ATP1A3: variants seen among roughly 807,000 people sequenced by gnomAD.
ATP1A3 encodes the protein sodium/potassium-transporting ATPase subunit alpha-3.
ATP1A3 carries 12 observed loss-of-function variants against 108.8 expected under a neutral mutation model. The observed-to-expected ratio is 0.11, with a 90% CI of 0.07 to 0.18. The LOEUF (loss-of-function observed/expected upper bound fraction) is 0.18. Ranked by LOEUF, ATP1A3 falls within the 10% of genes least tolerant of loss-of-function variation. The pLI is 1.00. For synonymous variants in ATP1A3, 539 were observed against 564.5 expected (o/e 0.95, Z 0.64); for missense variants, 498 against 1,387.7 (o/e 0.36, Z 10.19).
At chr19:41,980,135 A>G (rs1206837917) in intron 11 of ATP1A3, among the ~76,000 whole-genome samples, 1 of 152,128 alleles carries the variant, frequency 6.6e-6, no homozygotes, top group Non-Finnish European at 1.5e-5. Context: ...TCCCCCAGAC[A>G]CCTGCAGGGT....
At chr19:41,972,364 G>A (rs1295554968) in intron 16 of ATP1A3, among the ~76,000 whole-genome samples, 1 of 152,106 alleles carries the variant, frequency 6.6e-6, no homozygotes, top group Non-Finnish European at 1.5e-5. Context: ...CGAGGTTGCA[G>A]TGACTGATGA....
chr19:41,987,841 G>A, intron 4 of ATP1A3, 95 bp downstream of exon 4: 3 of 1,429,880 alleles, frequency 2.1e-6, no homozygotes, highest in South Asian at 2.3e-5. Flanking sequence ...GGGAGAGTGG[G>A]CTGTGAAAAG....
At chr19:41,983,578 T>A (rs1287100423) in intron 8 of ATP1A3, among the ~76,000 whole-genome samples, 5 of 145,852 alleles carry the variant, frequency 3.4e-5, no homozygotes, top group African/African-American at 1.3e-4. Flanking sequence ...TTAAAAATAA[T>A]AATAATAATT....
chr19:41,988,242 C>T lies in ATP1A3; in HGVS notation c.153+76G>A. 1 of 1,612,510 alleles carries T rather than the reference C, an allele frequency of 6.2e-7. No homozygotes were observed. Among genetic ancestry groups the T allele is most frequent in the Non-Finnish European group, 8.5e-7 (1 of 1,178,588 alleles). On this transcript the variant is annotated intron_variant, in intron 3 of 22. Transcript: ENST00000648268. The surrounding 1 kb of genome is among the most constrained non-coding windows in gnomAD (Gnocchi z 5.3). ...TAAGACACCAGCCACAGCCCCTCCT[C>T]CCTCAGACCCAGGGGTCCTAGCCCC... is the stretch of plus-strand genomic sequence containing the variant.
rs782804961 is a variant in ATP1A3 at position 41,985,292 on chromosome 19, TGCACCC to T, written c.724+8_724+13del. ...GTCTGCCCCAGCTGTGTGTCTTCTC[TGCACCC>T]GCCTCACCTTCCACACAGTTGGTGG... On this transcript the variant is annotated splice_region_variant and intron_variant, in intron 7 of 22. Coordinates refer to ENST00000648268, the MANE Select transcript of ATP1A3 (RefSeq NM_152296.5). This position sits in a 1 kb window ranked among gnomAD's most constrained non-coding sequence, Gnocchi z 8.2. 3.1e-6 allele frequency: 5 copies of T among 1,613,854 alleles called. No homozygotes were observed. In the East Asian group the frequency reaches 8.9e-5, roughly 29 times the overall value.
rs1555858636 is a variant in ATP1A3, at chr19:41,966,838, G to C, written c.*99C>G. On this transcript the variant is annotated 3_prime_UTR_variant, in exon 23 of 23. Transcript: ENST00000648268. ...GGGCCAAGGTGGGGCCACAGGAAGA[G>C]AGGGCTCCTCCCCCCAGAATACAAA... is the stretch of plus-strand genomic sequence containing the variant. 1.3e-6 allele frequency: 2 copies of C among 1,547,178 alleles called. No individual in the cohort carries two copies. The highest frequency in any genetic ancestry group is 1.7e-6 in the Non-Finnish European group (2 of 1,144,750).
chr19:41,989,918 T>C (rs1018688489), intron 1 of ATP1A3, among the ~76,000 whole-genome samples: 1 of 152,118 alleles, frequency 6.6e-6, no homozygotes, highest in East Asian at 1.9e-4. Context: ...TCTATGATTT[T>C]GTCTCTCTCT....
In ATP1A3 at chr19:41,967,499, A is replaced by G. The variant is rs1399986396; in HGVS notation, c.2922-159T>C. ...GGCTGGGGCCTGGGGTCTTCGGAGT[A>G]ATCCGTGGTGGGAGCAGCCTATGGG... On this transcript the variant is annotated intron_variant, in intron 21 of 22. Transcript: ENST00000648268. This position sits in a 1 kb window ranked among gnomAD's most constrained non-coding sequence, Gnocchi z 4.2. Among the ~76,000 whole-genome samples, 1 of 151,728 alleles carries G rather than the reference A, an allele frequency of 6.6e-6. No individual in the cohort carries two copies. Among genetic ancestry groups the G allele is most frequent in the Non-Finnish European group, 1.5e-5 (1 of 67,916 alleles).
chr19:41,990,209 C>G (rs553188127), intron 1 of ATP1A3, among the ~76,000 whole-genome samples: 1 of 152,126 alleles, frequency 6.6e-6, no homozygotes, highest in Non-Finnish European at 1.5e-5. Context: ...CTGTCTCTCT[C>G]TCTGTCTCTC....
intron 1 of ATP1A3, chr19:41,993,260 G>C: frequency 1.1e-6 from 1 of 871,580 alleles, no homozygotes; most frequent in Non-Finnish European, 1.8e-6. Flanking sequence ...AGGGAGGGAG[G>C]CGGCATCTGC....
intron 1 of ATP1A3, among the ~76,000 whole-genome samples, chr19:41,991,875 G>A (rs1214773356): frequency 3.3e-5 from 5 of 151,188 alleles, no homozygotes; most frequent in African/African-American, 1.2e-4. Flanking sequence ...AGGAGGGGCT[G>A]GGGCTGGACC....
intron 1 of ATP1A3, chr19:41,993,336 G>T (rs2075357743): frequency 2.0e-6 from 3 of 1,497,094 alleles, no homozygotes; most frequent in African/African-American, 2.8e-5. Flanking sequence ...AGGCATGCAC[G>T]CTCCCCACTA....
In ATP1A3 at chr19:41,981,942, C is replaced by T. The variant is rs1555863627; in HGVS notation, c.1158G>A (p.Gln386=). The T allele has an allele frequency of 6.2e-7, 1 of 1,614,222 alleles. No individual in the cohort carries two copies. The highest frequency in any genetic ancestry group is 1.7e-5 in the Admixed American group (1 of 60,028). ...MTVAHMWFDN[Q]IHEADTTEDQ... ...CCTCAGTGGTGTCAGCCTCGTGGAT[C>T]TGGTTGTCAAACCACATGTGGGCGA... The change falls in exon 9 of 23, where the codon CAG becomes CAA. Residue 386 remains glutamine, a synonymous_variant. Transcript: ENST00000648268. This position sits in a 1 kb window ranked among gnomAD's most constrained non-coding sequence, Gnocchi z 5.0.
rs190000085 is a variant in ATP1A3 at position 41,980,682 on chromosome 19, C to T, written c.1437+820G>A. On this transcript the variant is annotated intron_variant, in intron 11 of 22. Transcript: ENST00000648268. The stretch of plus-strand genomic sequence containing the variant: ...ATCCCAGCACTTTGGGAGGCTGAGG[C>T]GGGCAGATCACGAGGTCAGGAGATC... Among the ~76,000 whole-genome samples, 934 of 152,066 alleles carry T rather than the reference C, an allele frequency of 6.1e-3. 7 individuals are homozygous for T. Among genetic ancestry groups the T allele is most frequent in the Non-Finnish European group, 6.8e-3 (462 of 68,002 alleles).
At chr19:41,993,877 C>T in intron 1 of ATP1A3, 194 bp downstream of exon 1, 1 of 1,011,474 alleles carries the variant, frequency 9.9e-7, no homozygotes, top group South Asian at 1.6e-5. Flanking sequence ...GCCATGCCAA[C>T]GTGCGCCACA....
chr19:41,989,502 G>A (rs1256037667), intron 1 of ATP1A3, among the ~76,000 whole-genome samples: 13 of 151,864 alleles, frequency 8.6e-5, no homozygotes, highest in African/African-American at 3.1e-4. Flanking sequence ...TGTATTTTTA[G>A]TAGAGACAGG....
At chr19:41,973,934 A>G (rs1555860454) in intron 16 of ATP1A3, among the ~76,000 whole-genome samples, 1 of 152,114 alleles carries the variant, frequency 6.6e-6, no homozygotes, top group African/African-American at 2.4e-5. Flanking sequence ...GCTTGAGCCC[A>G]GGAGTTGAAG....
Position 41,981,710 on chromosome 19 carries a change from A to G in ATP1A3, c.1302+12T>C, listed in dbSNP as rs782335853. 4.3e-6 allele frequency: 7 copies of G among 1,614,064 alleles called. No homozygotes were observed. The African/African-American group carries it at 8.0e-5, about 18-fold the overall frequency. On this transcript the variant is annotated intron_variant, in intron 10 of 22. Coordinates refer to ENST00000648268, the MANE Select transcript of ATP1A3 (RefSeq NM_152296.5). The surrounding 1 kb of genome is among the most constrained non-coding windows in gnomAD (Gnocchi z 5.0). Reference sequence around the variant, plus strand: ...CAGGCAGGGCCGAGGTGAGGCCAGTAGCTGAACCCACCTTGAGCACAGGGA... The same window carrying G: ...CAGGCAGGGCCGAGGTGAGGCCAGTGGCTGAACCCACCTTGAGCACAGGGA...
At chr19:41,991,926 G>A (rs530965887) in intron 1 of ATP1A3, among the ~76,000 whole-genome samples, 1 of 147,296 alleles carries the variant, frequency 6.8e-6, no homozygotes, top group Non-Finnish European at 1.5e-5. Context: ...GGACCCCTGG[G>A]TCTGAGGGAG....
Sources: allele counts gnomAD v4.1 joint callset (sites outside exome capture counted in the v4.1 genomes callset), GRCh38; gene constraint gnomAD v4.1.1; non-coding constraint Gnocchi (gnomAD v3.1); transcripts MANE v1.5; gene names NCBI Gene and HGNC (gene_info 2026-07-23, HGNC 2026-07-21).